The following HS1BP3 variants were observed in gnomAD, a reference collection of about 807,000 sequenced individuals.
The protein encoded by HS1BP3 is HCLS1-binding protein 3.
Under a neutral mutation model 33.5 loss-of-function variants are expected in HS1BP3, and 32 were observed. That is an observed-to-expected ratio of 0.95 (90% CI 0.72 to 1.28). The LOEUF is 1.28. Among genes scored for constraint, HS1BP3 ranks in the 50% most tolerant of loss-of-function variants. The probability of loss-of-function intolerance (pLI) is 0.00; values close to 1 mark genes in which losing one functional copy is unlikely to be tolerated. For missense variants in HS1BP3, 486 were observed against 502.3 expected, an observed-to-expected ratio of 0.97 and a Z score of 0.31; for synonymous variants, 187 against 209.2, an observed-to-expected ratio of 0.89 and a Z score of 0.92.
chr2:20,577,338 A>G (rs979741175), intron 5 of HS1BP3, among the ~76,000 whole-genome samples: 2 of 152,156 alleles, frequency 1.3e-5, no homozygotes, highest in Admixed American at 1.3e-4. Flanking sequence ...AGAAAGACCC[A>G]AGGCTAGTAG....
chr2:20,606,294 C>A, intron 2 of HS1BP3: 1 of 441,794 alleles, frequency 2.3e-6, no homozygotes, highest in South Asian at 2.0e-5. Flanking sequence ...GCGTCTTCAC[C>A]AGCAGCTGGT....
intron 5 of HS1BP3, among the ~76,000 whole-genome samples, chr2:20,581,008 G>T (rs1693520933): frequency 6.6e-6 from 1 of 152,222 alleles, no homozygotes; most frequent in Non-Finnish European, 1.5e-5. Flanking sequence ...AGCTTGTCAG[G>T]CATGCACTCC....
At chr2:20,643,297 C>T (rs751475065) in intron 2 of HS1BP3, among the ~76,000 whole-genome samples, 2 of 152,208 alleles carry the variant, frequency 1.3e-5, no homozygotes, top group South Asian at 4.1e-4. Context: ...GTAAGGCCGG[C>T]CCTCTGCACA....
At chr2:20,559,349 G>A (rs962549736), downstream of HS1BP3, among the ~76,000 whole-genome samples, 2 of 152,256 alleles carry the variant, frequency 1.3e-5, no homozygotes, top group Non-Finnish European at 2.9e-5. Flanking sequence ...CTGTTCCCAA[G>A]CACCTCAAGG....
intron 5 of HS1BP3, among the ~76,000 whole-genome samples, chr2:20,582,657 G>A (rs897251056): frequency 3.3e-5 from 5 of 152,044 alleles, no homozygotes; most frequent in Admixed American, 2.0e-4. Context: ...CTTTCCACTC[G>A]GGTTTCACAG....
At chr2:20,562,414 G>A (rs1475512864) in intron 5 of HS1BP3, among the ~76,000 whole-genome samples, 2 of 152,210 alleles carry the variant, frequency 1.3e-5, no homozygotes, top group African/African-American at 4.8e-5. Context: ...AGGAGTTTGA[G>A]GCTGTAGTGA....
At chr2:20,604,856 C>T (rs1694140667) in intron 2 of HS1BP3, among the ~76,000 whole-genome samples, 1 of 152,178 alleles carries the variant, frequency 6.6e-6, no homozygotes, top group African/African-American at 2.4e-5. Flanking sequence ...TATTGGGCCT[C>T]ACCTGGTTGC....
chr2:20,579,114 A>T (rs1419749964), intron 5 of HS1BP3, among the ~76,000 whole-genome samples: 1 of 152,222 alleles, frequency 6.6e-6, no homozygotes, highest in Non-Finnish European at 1.5e-5. Context: ...GGCTTCTGTT[A>T]AGTCCAGGAA....
chr2:20,560,460 G>A (rs1021108568), exon 6 of HS1BP3: 1 of 152,350 alleles, frequency 6.6e-6, no homozygotes, highest in Non-Finnish European at 1.5e-5. Context: ...GGAATCCGTG[G>A]GGAGGTGAGG....
intron 2 of HS1BP3, chr2:20,606,729 T>G (rs1397417573): frequency 8.4e-6 from 2 of 239,264 alleles, no homozygotes; most frequent in Non-Finnish European, 1.7e-5. Flanking sequence ...GAACATATTT[T>G]CATGTGTTTG....
intron 4 of HS1BP3, chr2:20,636,732 A>G (rs906319689): frequency 5.3e-5 from 8 of 152,250 alleles, no homozygotes; most frequent in Non-Finnish European, 5.9e-5. Flanking sequence ...ATGGCGTACC[A>G]TATAGTTTTT....
At chr2:20,619,552 G>A (rs1169809940) in intron 6 of HS1BP3, among the ~76,000 whole-genome samples, 4 of 152,206 alleles carry the variant, frequency 2.6e-5, no homozygotes, top group Admixed American at 6.5e-5. Context: ...GCTGCCTTCT[G>A]TAGGGGGCTT....
chr2:20,642,104 C>T lies in HS1BP3; in HGVS notation c.199-924G>A, dbSNP rs559769889. 7.9e-5 allele frequency among the ~76,000 whole-genome samples: 12 copies of T among 152,354 alleles called. No individual in the cohort carries two copies. The East Asian group carries it at 2.1e-3, about 27-fold the overall frequency. On this transcript the variant is annotated intron_variant, in intron 2 of 6. Coordinates refer to ENST00000304031, the MANE Select transcript of HS1BP3 (RefSeq NM_022460.4). ...CATCCTGGCACCTACCCTCACTCCT[C>T]GCTCCTCTGTGCTTTCCCCATAGAC...
chr2:20,614,929 C>T (rs1694391980), downstream of HS1BP3, among the ~76,000 whole-genome samples: 1 of 152,248 alleles, frequency 6.6e-6, no homozygotes, highest in African/African-American at 2.4e-5. Context: ...AGGCCAGCCA[C>T]AGAGGAGGGT....
intron 5 of HS1BP3, among the ~76,000 whole-genome samples, chr2:20,571,310 C>T (rs1693265843): frequency 6.6e-6 from 1 of 152,152 alleles, no homozygotes; most frequent in African/African-American, 2.4e-5. Context: ...AAGCTCTAGG[C>T]TGGGGACCCA....
intron 5 of HS1BP3, among the ~76,000 whole-genome samples, chr2:20,574,923 G>A (rs913912490): frequency 2.0e-5 from 3 of 152,180 alleles, no homozygotes; most frequent in African/African-American, 4.8e-5. Context: ...GGTCCTCTTG[G>A]AGCCTCAATC....
intron 4 of HS1BP3, among the ~76,000 whole-genome samples, chr2:20,630,919 C>T (rs35404888): frequency 0.25 from 38,571 of 152,138 alleles, 5,485 homozygotes; most frequent in Non-Finnish European, 0.32. Context: ...TGTTGGCCAC[C>T]TCCAGTGGGG....
At position 20,618,886 on chromosome 2, in the gene HS1BP3, C is replaced by A. The variant is rs1451977019; in HGVS notation, c.*101G>T. 1.4e-6 allele frequency: 2 copies of A among 1,468,492 alleles called. No individual in the cohort carries two copies. The highest frequency in any genetic ancestry group is 9.0e-7 in the Non-Finnish European group (1 of 1,112,684). 91.0% of individuals were successfully genotyped at this position (1,468,492 alleles called of 1,614,324 possible). A position where few individuals can be genotyped will look rare whatever the true frequency, so the allele number is the denominator to read the frequency against. On this transcript the variant is annotated 3_prime_UTR_variant, in exon 7 of 7. Transcript: ENST00000304031. ...GACCCAGGCTTCTGCCTGGCCTCCC[C>A]TGGGGGTGGGGAGGTTCTGACCCTG... is the stretch of plus-strand genomic sequence containing the variant.
downstream of HS1BP3, among the ~76,000 whole-genome samples, chr2:20,559,364 G>A (rs1457013106): frequency 1.3e-5 from 2 of 152,250 alleles, no homozygotes; most frequent in African/African-American, 4.8e-5. Context: ...TCAAGGGTAG[G>A]ATTGGGTCCT....
Sources: allele counts gnomAD v4.1 joint callset (sites outside exome capture counted in the v4.1 genomes callset), GRCh38; gene constraint gnomAD v4.1.1; transcripts MANE v1.5; gene names NCBI Gene and HGNC (gene_info 2026-07-23, HGNC 2026-07-21).